NLGN4X: variants seen among roughly 807,000 people sequenced by gnomAD.
NLGN4X encodes neuroligin 4 X-linked.
NLGN4X carries 3 observed loss-of-function variants against 40.3 expected under a neutral mutation model. That is an observed-to-expected ratio of 0.07 (90% CI 0.03 to 0.19). The LOEUF is 0.19. Ranked by LOEUF, NLGN4X falls within the 10% of genes least tolerant of loss-of-function variation. The pLI is 1.00. For synonymous variants in NLGN4X, 270 were observed against 306.8 expected, an observed-to-expected ratio of 0.88 and a Z score of 1.25; for missense variants, 382 against 708.3, an observed-to-expected ratio of 0.54 and a Z score of 5.23.
intron 2 of NLGN4X, among the ~76,000 whole-genome samples, chrX:6,034,488 C>G (rs1450855497): frequency 8.9e-6 from 1 of 112,222 alleles, no homozygotes; most frequent in African/African-American, 3.2e-5. Flanking sequence ...GTTTTCATCT[C>G]TATTGCATAG....
intron 1 of NLGN4X, among the ~76,000 whole-genome samples, chrX:6,195,697 T>C (rs1237709830): frequency 1.8e-5 from 2 of 112,203 alleles, no homozygotes; most frequent in Non-Finnish European, 3.8e-5. Flanking sequence ...TAGTGATGTA[T>C]GTGTGTTTCA....
At chrX:5,938,966 C>CGTGTGTGTGTGT (rs60927853) in intron 3 of NLGN4X, among the ~76,000 whole-genome samples, 50 of 101,968 alleles carry the variant, frequency 4.9e-4, no homozygotes, top group African/African-American at 1.6e-3. Flanking sequence ...TGTGTGTGTG[C>CGTGTGTGTGTGT]GTGTGTGTGT....
chrX:6,007,304 G>T (rs1210118494), intron 3 of NLGN4X, among the ~76,000 whole-genome samples: 1 of 110,766 alleles, frequency 9.0e-6, no homozygotes, highest in Non-Finnish European at 1.9e-5. Context: ...AGACACTGGA[G>T]ACTATAAAGT....
intron 3 of NLGN4X, among the ~76,000 whole-genome samples, chrX:5,977,777 C>T (rs909832692): frequency 9.0e-6 from 1 of 111,243 alleles, no homozygotes; most frequent in Non-Finnish European, 1.9e-5. Context: ...AAGATGAGCA[C>T]GGTCTTCTCC....
chrX:6,040,570 G>A (rs1278537578), intron 2 of NLGN4X, among the ~76,000 whole-genome samples: 1 of 111,516 alleles, frequency 9.0e-6, no homozygotes, highest in Non-Finnish European at 1.9e-5. Context: ...TCACATCTGG[G>A]TCATAACTCA....
chrX:6,097,450 G>T (rs987888976), intron 2 of NLGN4X, among the ~76,000 whole-genome samples: 1 of 111,008 alleles, frequency 9.0e-6, no homozygotes, highest in African/African-American at 3.3e-5. Flanking sequence ...AGACTTGGGG[G>T]TGTTGCTGTG....
intron 1 of NLGN4X, among the ~76,000 whole-genome samples, chrX:6,196,040 G>T (rs1322294820): frequency 9.0e-6 from 1 of 111,229 alleles, no homozygotes; most frequent in Non-Finnish European, 1.9e-5. Flanking sequence ...CAATTCTTCT[G>T]TATTAGCCTA....
intron 2 of NLGN4X, among the ~76,000 whole-genome samples, chrX:6,043,750 T>G (rs1296246957): frequency 8.9e-6 from 1 of 112,071 alleles, no homozygotes; most frequent in East Asian, 2.8e-4. Flanking sequence ...TTAGTCTAGA[T>G]TTATACAAAA....
chrX:6,081,387 G>A (rs2038344719), intron 2 of NLGN4X, among the ~76,000 whole-genome samples: 1 of 112,478 alleles, frequency 8.9e-6, no homozygotes, highest in Non-Finnish European at 1.9e-5. Context: ...AAAGTGCTGG[G>A]ATTACAGGCA....
chrX:6,045,702 A>C (rs1272252352), intron 2 of NLGN4X, among the ~76,000 whole-genome samples: 1 of 111,963 alleles, frequency 8.9e-6, no homozygotes, highest in Non-Finnish European at 1.9e-5. Context: ...AGTACATGGA[A>C]TATTTATTTT....
chrX:6,080,773 A>G (rs990258955), intron 2 of NLGN4X, among the ~76,000 whole-genome samples: 2 of 111,911 alleles, frequency 1.8e-5, no homozygotes, highest in African/African-American at 6.5e-5. Context: ...TGTATTAAAG[A>G]CCTAAATGTG....
intron 3 of NLGN4X, among the ~76,000 whole-genome samples, chrX:5,934,646 A>G (rs1313769735): frequency 8.9e-6 from 1 of 112,118 alleles, no homozygotes; most frequent in Non-Finnish European, 1.9e-5. Context: ...GCTAGGCTCC[A>G]CTGCACCAGG....
intron 1 of NLGN4X, among the ~76,000 whole-genome samples, chrX:6,208,862 T>C (rs1045939906): frequency 8.9e-6 from 1 of 111,932 alleles, no homozygotes; most frequent in Admixed American, 9.6e-5. Flanking sequence ...CCATCTTATC[T>C]AGCAATCCCA....
intron 2 of NLGN4X, among the ~76,000 whole-genome samples, chrX:6,096,726 T>C (rs901826462): frequency 8.9e-6 from 1 of 111,839 alleles, no homozygotes; most frequent in African/African-American, 3.3e-5. Context: ...AAGGATGCTA[T>C]AGAGGAAAAA....
chrX:5,965,313 G>T (rs2034794840), intron 3 of NLGN4X, among the ~76,000 whole-genome samples: 1 of 112,020 alleles, frequency 8.9e-6, no homozygotes, highest in African/African-American at 3.2e-5. Context: ...GAGACAAGAA[G>T]TCGGGTGCAG....
chrX:5,983,627 G>A (rs1351411318), intron 3 of NLGN4X, among the ~76,000 whole-genome samples: 1 of 111,572 alleles, frequency 9.0e-6, no homozygotes, highest in Non-Finnish European at 1.9e-5. Context: ...GATCCAGAGA[G>A]TATCGTGGAA....
At position 5,891,307 on chromosome X, in the gene NLGN4X, C is replaced by G. The variant is rs2031156464; in HGVS notation, c.*1510G>C. ...CAGTTTTAATATTCTATCCTTTCTT[C>G]CCCCATTCTTCTATAATATTCACCG... On this transcript the variant is annotated 3_prime_UTR_variant, in exon 6 of 6. Transcript: ENST00000381095. The G allele has an allele frequency of 4.3e-6, 1 of 233,704 alleles. No individual in the cohort carries two copies. Among genetic ancestry groups the G allele is most frequent in the Non-Finnish European group, 7.7e-6 (1 of 129,191 alleles). 19.3% of individuals were successfully genotyped at this position (233,704 alleles called of 1,213,427 possible).
Position 6,227,587 on chromosome X carries a change from C to T in NLGN4X, c.-306+954G>A, listed in dbSNP as rs762301715. 3.6e-5 allele frequency: 4 copies of T among 110,994 alleles called. No individual in the cohort carries two copies. The East Asian group carries it at 1.1e-3, about 32-fold the overall frequency. 9.1% of individuals were successfully genotyped at this position (110,994 alleles called of 1,213,427 possible). ...CAAAACCACCAGCTCTACCCTCCTT[C>T]TGCGGCTTGCCTCACCCTTCCCACC... On this transcript the variant is annotated intron_variant, in intron 1 of 5. Coordinates refer to ENST00000381095, the MANE Select transcript of NLGN4X (RefSeq NM_181332.3).
At chrX:6,028,489 T>C (rs1205735819) in intron 3 of NLGN4X, among the ~76,000 whole-genome samples, 1 of 109,521 alleles carries the variant, frequency 9.1e-6, no homozygotes, top group Non-Finnish European at 1.9e-5. Context: ...TGAAACCCTG[T>C]CTCTATTAAA....
Sources: allele counts gnomAD v4.1 joint callset (sites outside exome capture counted in the v4.1 genomes callset), GRCh38; gene constraint gnomAD v4.1.1; transcripts MANE v1.5; gene names NCBI Gene and HGNC (gene_info 2026-07-23, HGNC 2026-07-21).